RIMS1: variants seen among roughly 807,000 people sequenced by gnomAD.
The protein encoded by RIMS1 is regulating synaptic membrane exocytosis protein 1.
In RIMS1, 83 loss-of-function variants were observed where a neutral mutation model predicts 214.1. The ratio of observed to expected loss-of-function variants is 0.39; its 90% CI spans 0.32 to 0.47. RIMS1 has a LOEUF of 0.47. Ranked by LOEUF, RIMS1 falls within the 20% of genes least tolerant of loss-of-function variation. RIMS1 has a pLI of 0.99. For missense variants in RIMS1, 2,050 were observed against 2,161.8 expected (o/e 0.95, Z 1.03); for synonymous variants, 793 against 786.8 (o/e 1.01, Z -0.13).
intron 1 of RIMS1, among the ~76,000 whole-genome samples, chr6:71,902,855 T>C (rs1462405010): frequency 6.6e-6 from 1 of 152,116 alleles, no homozygotes; most frequent in African/African-American, 2.4e-5. Context: ...AAGGACAGAA[T>C]TTCATTCCTT....
chr6:72,130,872 A>G (rs1265554950), intron 4 of RIMS1, among the ~76,000 whole-genome samples: 1 of 152,160 alleles, frequency 6.6e-6, no homozygotes, highest in Non-Finnish European at 1.5e-5. Context: ...TCTTTGCAAA[A>G]ATAAAGAAAT....
chr6:72,181,622 C>A (rs1031671864), intron 5 of RIMS1, among the ~76,000 whole-genome samples: 2 of 152,154 alleles, frequency 1.3e-5, no homozygotes, highest in Admixed American at 1.3e-4. Flanking sequence ...GGACAAATAA[C>A]TTTACTAATG....
chr6:72,368,979 G>C lies in RIMS1; in HGVS notation c.4367-21619G>C, dbSNP rs112102894. The stretch of plus-strand genomic sequence containing the variant: ...AAAAGCTTGGAGGCAGAACATGTCA[G>C]CTCATACAGAGGAAACAGGATGTAA... On this transcript the variant is annotated intron_variant, in intron 29 of 33. Transcript: ENST00000521978. 3.6e-3 allele frequency among the ~76,000 whole-genome samples: 542 copies of C among 151,566 alleles called. 1 individual carries two copies. The highest frequency in any genetic ancestry group is 6.1e-3 in the Non-Finnish European group (411 of 67,914).
intron 4 of RIMS1, among the ~76,000 whole-genome samples, chr6:72,165,370 C>T (rs1395219379): frequency 6.6e-6 from 1 of 152,108 alleles, no homozygotes; most frequent in Non-Finnish European, 1.5e-5. Flanking sequence ...TTTTATGTAA[C>T]TTACTGAACT....
rs1463488228 is a variant in RIMS1, at chr6:72,333,726, T to G, written c.4257T>G (p.Ala1419=). 2.5e-6 allele frequency: 4 copies of G among 1,599,202 alleles called. No individual in the cohort carries two copies. In the African/African-American group the frequency reaches 4.0e-5, roughly 16 times the overall value. Residue 1419 remains alanine (A), a synonymous_variant, in exon 29 of 34, where the codon GCT becomes GCG. Coordinates refer to ENST00000521978, the MANE Select transcript of RIMS1 (RefSeq NM_014989.7). ...EHNDGSQSDT[A]VGTVGAGGKK... ...ATGACGGCAGCCAGTCAGACACAGC[T>G]GTGGGTACAGTTGGAGCAGGTGGAA...
chr6:72,256,072 A>G (rs927090128), intron 16 of RIMS1, among the ~76,000 whole-genome samples: 1 of 151,938 alleles, frequency 6.6e-6, no homozygotes, highest in African/African-American at 2.4e-5. Flanking sequence ...GGTTCTGAAG[A>G]TAGAGTGCAT....
intron 29 of RIMS1, among the ~76,000 whole-genome samples, chr6:72,336,193 T>C (rs2096837727): frequency 6.6e-6 from 1 of 151,836 alleles, no homozygotes; most frequent in Non-Finnish European, 1.5e-5. Context: ...TTCTCTCTCT[T>C]CTCCCTCTTT....
At chr6:72,369,070 G>A (rs1373912843) in intron 29 of RIMS1, among the ~76,000 whole-genome samples, 2 of 150,126 alleles carry the variant, frequency 1.3e-5, no homozygotes, top group African/African-American at 4.9e-5. Context: ...CAAAGGTGGT[G>A]TGAATCTAGT....
intron 6 of RIMS1, among the ~76,000 whole-genome samples, chr6:72,194,732 G>C (rs1229518529): frequency 6.6e-6 from 1 of 152,090 alleles, no homozygotes; most frequent in Admixed American, 6.6e-5. Flanking sequence ...TTCAAATACA[G>C]TTTAATTCCT....
At chr6:71,949,757 T>G (rs527505051) in intron 1 of RIMS1, among the ~76,000 whole-genome samples, 2 of 152,218 alleles carry the variant, frequency 1.3e-5, no homozygotes, top group African/African-American at 4.8e-5. Flanking sequence ...TCTTTTACAC[T>G]GCTGGCAAAA....
At chr6:72,262,127 T>C in intron 19 of RIMS1, 1 of 984,596 alleles carries the variant, frequency 1.0e-6, no homozygotes, top group Non-Finnish European at 1.2e-6. Flanking sequence ...ACTCAGTGTG[T>C]GAATATTTCT....
chr6:72,144,595 G>A (rs1021086145), intron 4 of RIMS1, among the ~76,000 whole-genome samples: 13 of 151,940 alleles, frequency 8.6e-5, no homozygotes, highest in Non-Finnish European at 1.9e-4. Flanking sequence ...GCTTCGCTTT[G>A]GTTAGCTCCC....
intron 1 of RIMS1, among the ~76,000 whole-genome samples, chr6:71,932,812 A>G (rs965168644): frequency 6.6e-6 from 1 of 152,128 alleles, no homozygotes; most frequent in African/African-American, 2.4e-5. Flanking sequence ...GAAGTAAGTT[A>G]ATTTGAGAAA....
intron 6 of RIMS1, among the ~76,000 whole-genome samples, chr6:72,227,417 G>T (rs2060517517): frequency 4.8e-5 from 1 of 20,936 alleles, no homozygotes; most frequent in Admixed American, 6.8e-4. Context: ...AAGAAAGAGG[G>T]GTTCTATGAG....
At chr6:72,151,700 C>T (rs2043615936) in intron 4 of RIMS1, among the ~76,000 whole-genome samples, 1 of 152,114 alleles carries the variant, frequency 6.6e-6, no homozygotes, top group African/African-American at 2.4e-5. Context: ...GTCTAACTGT[C>T]TCTCTTTTCC....
chr6:71,891,860 A>G (rs1187355570), intron 1 of RIMS1, among the ~76,000 whole-genome samples: 8 of 152,230 alleles, frequency 5.3e-5, no homozygotes, highest in African/African-American at 1.7e-4. Context: ...CAATTTTTGT[A>G]AACTTGTGCA....
At chr6:72,053,165 C>T (rs1825194082) in intron 2 of RIMS1, among the ~76,000 whole-genome samples, 1 of 152,142 alleles carries the variant, frequency 6.6e-6, no homozygotes, top group South Asian at 2.1e-4. Flanking sequence ...TCTAAAGTGT[C>T]CCCAGTCCCT....
intron 4 of RIMS1, among the ~76,000 whole-genome samples, chr6:72,141,153 T>G (rs2042033178): frequency 6.6e-6 from 1 of 152,030 alleles, no homozygotes; most frequent in Non-Finnish European, 1.5e-5. Context: ...ACAAACTATT[T>G]GAAACAAATC....
At chr6:72,138,368 A>G (rs1467890587) in intron 4 of RIMS1, among the ~76,000 whole-genome samples, 3 of 152,190 alleles carry the variant, frequency 2.0e-5, no homozygotes, top group East Asian at 1.9e-4. Context: ...AATCTCCCCA[A>G]TAAAATCCCT....
Sources: gnomAD v4.1 joint callset for allele counts (sites outside exome capture counted in the v4.1 genomes callset) on GRCh38, gnomAD v4.1.1 for gene constraint, MANE v1.5 for transcripts, NCBI Gene and HGNC (gene_info 2026-07-23, HGNC 2026-07-21) for gene names.